Variants in NCAN observed in about 807,000 individuals in gnomAD.
The protein encoded by NCAN is neurocan.
A neutral mutation model predicts 121.8 loss-of-function variants in NCAN; 47 were observed. That is an observed-to-expected ratio of 0.39 (90% confidence interval 0.31 to 0.49). NCAN has a LOEUF of 0.49. NCAN is among the 20% of genes least tolerant of loss of function. The pLI is 0.92. For missense variants in NCAN, 1,517 were observed against 1,773.4 expected, an observed-to-expected ratio of 0.86 and a Z score of 2.60; for synonymous variants, 633 against 702.0, an observed-to-expected ratio of 0.90 and a Z score of 1.55.
rs1469137182 is a variant in NCAN, at chr19:19,225,756, C to G, written c.1072+486C>G. ...AGCTGCAAGCATCAACCCCAAGGAG[C>G]CATGTCCTCTAAGTAAGCTGCCCCA... On this transcript the variant is annotated intron_variant, in intron 6 of 14. Transcript: ENST00000252575. This position sits in a 1 kb window ranked among gnomAD's most constrained non-coding sequence, Gnocchi z 4.0. Among the ~76,000 whole-genome samples, 1 of 152,132 alleles carries G rather than the reference C, an allele frequency of 6.6e-6. No individual in the cohort carries two copies. The highest frequency in any genetic ancestry group is 1.5e-5 in the Non-Finnish European group (1 of 68,002).
chr19:19,235,421 C>T (rs780579519), intron 10 of NCAN, among the ~76,000 whole-genome samples: 10 of 152,028 alleles, frequency 6.6e-5, no homozygotes, highest in African/African-American at 1.5e-4. Flanking sequence ...CAGGCGCCCG[C>T]CACCACGCCT....
rs552254379 is a variant in NCAN, at chr19:19,236,406, A to T, written c.3250+1310A>T. 2.0e-5 allele frequency among the ~76,000 whole-genome samples: 3 copies of T among 152,206 alleles called. No homozygotes were observed. The South Asian group carries it at 6.2e-4, about 32-fold the overall frequency. ...TGTATGGCTATATCACATTTTGTTT[A>T]TCCATTCATGGTTTGATGGATATTT... On this transcript the variant is annotated intron_variant, in intron 10 of 14. Transcript: ENST00000252575.
In NCAN at chr19:19,228,486, T is replaced by G. The variant is rs201279118; in HGVS notation, c.2866T>G (p.Ser956Ala). The change falls in exon 8 of 15, where the codon TCC becomes GCC. Residue 956 changes from serine to alanine, a missense_variant. Coordinates refer to ENST00000252575, the MANE Select transcript of NCAN (RefSeq NM_004386.3). ...SGEPTVPWDP[S>A]STLLPVTLGI... is the part of the protein sequence containing the mutation. ...GGAGCCTACGGTACCGTGGGACCCC[T>G]CCAGCACCCTGCTGCCTGTCACCCT... The G allele has an allele frequency of 6.2e-7, 1 of 1,613,508 alleles. No individual in the cohort carries two copies. Among genetic ancestry groups the G allele is most frequent in the East Asian group, 2.2e-5 (1 of 44,876 alleles).
rs2060875493 is a variant in NCAN, at chr19:19,234,969, C to G, written c.3137-14C>G. On this transcript the variant is annotated splice_polypyrimidine_tract_variant and intron_variant, in intron 9 of 14. Coordinates refer to ENST00000252575, the MANE Select transcript of NCAN (RefSeq NM_004386.3). ...AAGCTGACCTCTAACTCAGTCTCTT[C>G]CCCTCTCTGCCAGACATTGATGACT... The G allele has an allele frequency of 6.3e-7, 1 of 1,577,198 alleles. No individual in the cohort carries two copies. The highest frequency in any genetic ancestry group is 8.7e-7 in the Non-Finnish European group (1 of 1,149,496).
chr19:19,248,973 C>A, intron 14 of NCAN, 91 bp downstream of exon 14: 1 of 1,372,716 alleles, frequency 7.3e-7, no homozygotes, highest in Non-Finnish European at 1.0e-6. Flanking sequence ...ATTGATCTGG[C>A]TTAATGTCTG....
At chr19:19,223,767 C>T (rs1332793843) in intron 3 of NCAN, among the ~76,000 whole-genome samples, 1 of 152,182 alleles carries the variant, frequency 6.6e-6, no homozygotes, top group Non-Finnish European at 1.5e-5. Flanking sequence ...GCCAACATGC[C>T]TGAACGGCCG....
chr19:19,242,678 G>A (rs552685451), intron 12 of NCAN, among the ~76,000 whole-genome samples: 22 of 152,304 alleles, frequency 1.4e-4, no homozygotes, highest in Non-Finnish European at 2.4e-4. Flanking sequence ...GACAGAGGGA[G>A]ACTCTGTCTC....
At position 19,223,932 on chromosome 19, in the gene NCAN, G is replaced by A. The variant is rs2060825604; in HGVS notation, c.476-89G>A. ...GCTAGGTCTATTATTATCAGACAGG[G>A]GTGGGGAGTCATTCTGCAAGAGGTA... On this transcript the variant is annotated intron_variant, in intron 3 of 14. Coordinates refer to ENST00000252575, the MANE Select transcript of NCAN (RefSeq NM_004386.3). The A allele has an allele frequency of 1.0e-5, 14 of 1,337,846 alleles. 1 individual carries two copies. The South Asian group carries it at 2.4e-4, about 23-fold the overall frequency. The allele number at this position is 1,337,846 out of a possible 1,614,324, so 82.9% of individuals were successfully genotyped here.
chr19:19,224,977 G>A lies in NCAN; in HGVS notation c.779G>A (p.Gly260Asp). 1.4e-6 allele frequency: 2 copies of A among 1,434,094 alleles called. No individual in the cohort carries two copies. The highest frequency in any genetic ancestry group is 1.8e-6 in the Non-Finnish European group (2 of 1,100,102). 88.8% of individuals were successfully genotyped at this position (1,434,094 alleles called of 1,614,324 possible). ...TGACCTCCACCCGCCCCTCCCGCAG[G>A]CGAGGTCTTCTACGTGGGCCCGGCC... ...DVYCFARELG[G>D]EVFYVGPARR... The change falls in exon 6 of 15, where the codon GGC (glycine) becomes GAC (aspartate). Residue 260 changes from glycine to aspartate, a missense_variant and splice_region_variant. By Grantham distance (94) the Gly-to-Asp change is moderately conservative (BLOSUM62 -1). Transcript: ENST00000252575.
chr19:19,251,677 C>G lies in NCAN; in HGVS notation c.*1766C>G, dbSNP rs1311094866. The G allele has an allele frequency of 6.6e-6, 1 of 152,198 alleles. No homozygotes were observed. Among genetic ancestry groups the G allele is most frequent in the African/African-American group, 2.4e-5 (1 of 41,436 alleles). The allele number at this position is 152,198 out of a possible 1,614,324, so 9.4% of individuals were successfully genotyped here. A position where few individuals can be genotyped will look rare whatever the true frequency, so the allele number is the denominator to read the frequency against. ...GGAGATTGAAATATAATTGCACCCTCATACACATTTAGGAAATGGTTAAGA... is the reference window on the plus strand; with the variant it reads ...GGAGATTGAAATATAATTGCACCCTGATACACATTTAGGAAATGGTTAAGA... On this transcript the variant is annotated 3_prime_UTR_variant, in exon 15 of 15. Coordinates refer to ENST00000252575, the MANE Select transcript of NCAN (RefSeq NM_004386.3).
At chr19:19,249,117 C>T in intron 14 of NCAN, 1 of 469,008 alleles carries the variant, frequency 2.1e-6, no homozygotes, top group Non-Finnish European at 3.8e-6. Context: ...TGCTCTGTTG[C>T]CCAGGCTGGA....
chr19:19,233,708 TTGGGGGCC>T, intron 8 of NCAN, 73 bp from the exon 9 acceptor site: 1 of 861,790 alleles, frequency 1.2e-6, no homozygotes, highest in South Asian at 1.4e-5. Flanking sequence ...TTAGAGTGGT[TTGGGGGCC>T]TGGGGTCTTG....
At chr19:19,244,788 G>A (rs947200384) in intron 12 of NCAN, among the ~76,000 whole-genome samples, 1 of 148,078 alleles carries the variant, frequency 6.8e-6, no homozygotes, top group Non-Finnish European at 1.5e-5. Context: ...GAGTACAATA[G>A]CGCAATCTCG....
chr19:19,214,639 G>T (rs918269530), intron 1 of NCAN, among the ~76,000 whole-genome samples: 26 of 151,980 alleles, frequency 1.7e-4, no homozygotes, highest in Non-Finnish European at 3.8e-4. Flanking sequence ...CCATTTTACA[G>T]GTGGGGAAAC....
chr19:19,243,573 G>A (rs2060912184), intron 12 of NCAN, among the ~76,000 whole-genome samples: 1 of 150,124 alleles, frequency 6.7e-6, no homozygotes, highest in South Asian at 2.1e-4. Context: ...TGATGGTTAT[G>A]CAACATTGTG....
intron 3 of NCAN, among the ~76,000 whole-genome samples, chr19:19,220,459 T>TTA (rs2060812394): frequency 7.6e-6 from 1 of 131,172 alleles, no homozygotes; most frequent in African/African-American, 2.9e-5. Flanking sequence ...TCTTTTTTTT[T>TTA]TTTTTTTTTT....
chr19:19,229,339 G>C (rs2060849888), intron 8 of NCAN, among the ~76,000 whole-genome samples: 1 of 152,222 alleles, frequency 6.6e-6, no homozygotes, highest in Admixed American at 6.5e-5. Context: ...TGGCTTTCCA[G>C]GATTCCCCGA....
chr19:19,217,166 T>C (rs1315986304), intron 2 of NCAN, 140 bp downstream of exon 2: 2 of 575,226 alleles, frequency 3.5e-6, no homozygotes, highest in African/African-American at 1.9e-5. Context: ...TAAAAGGTCT[T>C]TGAACAGTCA....
rs145080404 is a variant in NCAN at position 19,217,968 on chromosome 19, C to G, written c.73+942C>G. On this transcript the variant is annotated intron_variant, in intron 2 of 14. Transcript: ENST00000252575. ...TGCCACTCCACTCCAGCCTGGGTGACAGAGTCAGACTCAAAAAAATAATAA... is the reference window on the plus strand; with the variant it reads ...TGCCACTCCACTCCAGCCTGGGTGAGAGAGTCAGACTCAAAAAAATAATAA... 1.9e-4 allele frequency among the ~76,000 whole-genome samples: 28 copies of G among 147,526 alleles called. No homozygotes were observed. In the East Asian group the frequency reaches 5.5e-3, roughly 29 times the overall value.
Sources: allele counts gnomAD v4.1 joint callset (sites outside exome capture counted in the v4.1 genomes callset), GRCh38; gene constraint gnomAD v4.1.1; non-coding constraint Gnocchi (gnomAD v3.1); transcripts MANE v1.5; gene names NCBI Gene and HGNC (gene_info 2026-07-23, HGNC 2026-07-21).